Variants in RORA observed in about 807,000 individuals in gnomAD.
The protein encoded by RORA is RAR related orphan receptor A, also known as nuclear receptor ROR-alpha.
Under a neutral mutation model 69.5 loss-of-function variants are expected in RORA, and 7 were observed. The ratio of observed to expected loss-of-function variants is 0.10; its 90% CI spans 0.06 to 0.19. RORA has a LOEUF of 0.19. Among genes scored for constraint, RORA ranks in the 10% least tolerant of loss-of-function variants. The pLI is 1.00. For missense variants in RORA, 457 were observed against 663.0 expected, an observed-to-expected ratio of 0.69 and a Z score of 3.41; for synonymous variants, 261 against 240.8, an observed-to-expected ratio of 1.08 and a Z score of -0.78.
intron 1 of RORA, among the ~76,000 whole-genome samples, chr15:60,901,047 A>G (rs953344640): frequency 6.6e-6 from 1 of 152,104 alleles, no homozygotes; most frequent in Non-Finnish European, 1.5e-5. Flanking sequence ...TGTGTTTAGT[A>G]TTGAAATTAT....
intron 2 of RORA, among the ~76,000 whole-genome samples, chr15:60,603,540 G>T (rs1327268123): frequency 6.6e-6 from 1 of 152,210 alleles, no homozygotes; most frequent in African/African-American, 2.4e-5. Flanking sequence ...CGTCCTAGAG[G>T]AAATAGAGGG....
intron 1 of RORA, among the ~76,000 whole-genome samples, chr15:60,857,386 A>C (rs1015426390): frequency 1.4e-5 from 2 of 146,392 alleles, no homozygotes; most frequent in Non-Finnish European, 3.0e-5. Flanking sequence ...ATGCACCCCA[A>C]ATGGAAGTAA....
At position 60,816,738 on chromosome 15, in the gene RORA, A is replaced by AAAATAAAATAAAAT. The variant is rs1555455470; in HGVS notation, c.167-138053_167-138052insATTTTATTTTATTT. Reference sequence around the variant, plus strand: ...ACCCTAAAACTTAAAGTATAATAAAAAAAATAAAATAAAATAAAATAAAGT... The same window carrying AAAATAAAATAAAAT: ...ACCCTAAAACTTAAAGTATAATAAAAAAATAAAATAAAATAAAATAAAATAAAATAAAATAAAGT... On this transcript the variant is annotated intron_variant, in intron 1 of 10. Coordinates refer to ENST00000335670, the MANE Select transcript of RORA (RefSeq NM_134261.3). Among the ~76,000 whole-genome samples the AAAATAAAATAAAAT allele has an allele frequency of 2.8e-4, 40 of 144,666 alleles. 1 individual carries two copies. Among genetic ancestry groups the AAAATAAAATAAAAT allele is most frequent in the Admixed American group, 9.3e-4 (13 of 13,992 alleles). The allele number at this position is 144,666 out of a possible 152,430, so 94.9% of individuals were successfully genotyped here.
chr15:60,742,875 C>A (rs116656253), intron 1 of RORA, among the ~76,000 whole-genome samples: 2,145 of 152,200 alleles, frequency 0.014, 61 homozygotes, highest in African/African-American at 0.05. Context: ...ACCACCTTAT[C>A]TTTCTCCAGT....
intron 1 of RORA, among the ~76,000 whole-genome samples, chr15:61,021,927 G>A (rs1006425088): frequency 1.3e-5 from 2 of 152,178 alleles, no homozygotes; most frequent in African/African-American, 4.8e-5. Flanking sequence ...CACTATACAT[G>A]AATGGTATAT....
intron 1 of RORA, among the ~76,000 whole-genome samples, chr15:61,134,760 G>C (rs182881485): frequency 1.3e-3 from 197 of 152,238 alleles, no homozygotes; most frequent in African/African-American, 4.4e-3. Flanking sequence ...GCAAGCATCT[G>C]ACAGGTGTGA....
intron 1 of RORA, among the ~76,000 whole-genome samples, chr15:61,227,466 CT>C (rs1250449351): frequency 6.6e-6 from 1 of 152,104 alleles, no homozygotes; most frequent in Non-Finnish European, 1.5e-5. Context: ...CGCGGTCACC[CT>C]TTGGAAATCG....
intron 2 of RORA, chr15:60,592,247 G>A: frequency 4.2e-6 from 2 of 475,228 alleles, no homozygotes; most frequent in Non-Finnish European, 6.3e-6. Context: ...TGGCCCAGAA[G>A]GCCCTGGCAG....
chr15:61,169,792 C>T (rs894511154), intron 1 of RORA, among the ~76,000 whole-genome samples: 1 of 152,032 alleles, frequency 6.6e-6, no homozygotes, highest in African/African-American at 2.4e-5. Flanking sequence ...AAAGAAACAG[C>T]TCACATTCCT....
chr15:60,729,255 T>C (rs1329597049), intron 1 of RORA, among the ~76,000 whole-genome samples: 1 of 152,156 alleles, frequency 6.6e-6, no homozygotes, highest in Non-Finnish European at 1.5e-5. Context: ...AAGAGCCTCA[T>C]GGATGCCACT....
At chr15:60,725,103 G>C (rs1175696437) in intron 1 of RORA, among the ~76,000 whole-genome samples, 1 of 152,194 alleles carries the variant, frequency 6.6e-6, no homozygotes, top group Non-Finnish European at 1.5e-5. Flanking sequence ...TTATAAAATT[G>C]ACTTAATTTC....
intron 5 of RORA, among the ~76,000 whole-genome samples, chr15:60,506,417 A>G (rs1243060701): frequency 6.6e-6 from 1 of 152,244 alleles, no homozygotes; most frequent in Non-Finnish European, 1.5e-5. Flanking sequence ...AAAGACCTAG[A>G]GGCCAAAGAA....
chr15:60,610,995 T>C (rs1408003819), intron 2 of RORA, among the ~76,000 whole-genome samples: 2 of 152,340 alleles, frequency 1.3e-5, no homozygotes, highest in East Asian at 3.9e-4. Context: ...AAGTTCGTAG[T>C]AGATAAAGCT....
intron 1 of RORA, among the ~76,000 whole-genome samples, chr15:60,835,094 A>C (rs959883741): frequency 6.6e-6 from 1 of 152,156 alleles, no homozygotes; most frequent in Non-Finnish European, 1.5e-5. Context: ...ACCGGGTAGC[A>C]GTGGTATTGT....
At chr15:61,117,397 T>A (rs1670790118) in intron 1 of RORA, among the ~76,000 whole-genome samples, 1 of 152,116 alleles carries the variant, frequency 6.6e-6, no homozygotes, top group African/African-American at 2.4e-5. Flanking sequence ...TATTAAGAAC[T>A]TTTTACTTTA....
At chr15:60,981,400 C>T (rs1486614288) in intron 1 of RORA, among the ~76,000 whole-genome samples, 2 of 152,000 alleles carry the variant, frequency 1.3e-5, no homozygotes, top group African/African-American at 2.4e-5. Flanking sequence ...CATGGTTCTA[C>T]CCCTTTCTCT....
At chr15:60,515,773 G>T (rs1400974250) in intron 3 of RORA, among the ~76,000 whole-genome samples, 1 of 147,244 alleles carries the variant, frequency 6.8e-6, no homozygotes, top group East Asian at 2.0e-4. Context: ...GCAGGGTCTT[G>T]CTCTGTCACC....
At chr15:61,070,839 C>A (rs1320926420) in intron 1 of RORA, among the ~76,000 whole-genome samples, 1 of 152,146 alleles carries the variant, frequency 6.6e-6, no homozygotes, top group Non-Finnish European at 1.5e-5. Context: ...CACAGGTTTT[C>A]ATAAGCTAGC....
chr15:60,740,020 CCT>C (rs1282558190), intron 1 of RORA, among the ~76,000 whole-genome samples: 3 of 152,150 alleles, frequency 2.0e-5, no homozygotes, highest in Non-Finnish European at 4.4e-5. Context: ...TGGACACCAA[CCT>C]CTCTTCTCCT....
Sources: allele counts gnomAD v4.1 joint callset (sites outside exome capture counted in the v4.1 genomes callset), GRCh38; gene constraint gnomAD v4.1.1; transcripts MANE v1.5; gene names NCBI Gene and HGNC (gene_info 2026-07-23, HGNC 2026-07-21).